PPP3CC: variants seen among roughly 807,000 people sequenced by gnomAD.
The protein encoded by PPP3CC is serine/threonine-protein phosphatase 2B catalytic subunit gamma isoform.
In PPP3CC, 35 loss-of-function variants were observed where a neutral mutation model predicts 60.3. That is an observed-to-expected ratio of 0.58 (90% CI 0.44 to 0.77). The LOEUF is 0.77. Among genes scored for constraint, PPP3CC ranks in the 30% least tolerant of loss-of-function variants. The pLI is 0.00. For missense variants in PPP3CC, 570 were observed against 628.9 expected, an observed-to-expected ratio of 0.91 and a Z score of 1.00; for synonymous variants, 206 against 224.3, an observed-to-expected ratio of 0.92 and a Z score of 0.73.
At chr8:22,539,836 A>T (rs1226455743) in intron 13 of PPP3CC, among the ~76,000 whole-genome samples, 1 of 152,220 alleles carries the variant, frequency 6.6e-6, no homozygotes, top group Non-Finnish European at 1.5e-5. Context: ...TTCTCAAGAG[A>T]GCCAAATAGG....
At chr8:22,448,380 TG>T (rs1160074478) in intron 1 of PPP3CC, among the ~76,000 whole-genome samples, 4 of 142,182 alleles carry the variant, frequency 2.8e-5, no homozygotes, top group African/African-American at 5.9e-5. Context: ...ACCTTTTTTT[TG>T]TTTTTTTTTT....
intron 1 of PPP3CC, among the ~76,000 whole-genome samples, chr8:22,474,537 C>T (rs1323987151): frequency 6.6e-6 from 1 of 151,930 alleles, no homozygotes; most frequent in Non-Finnish European, 1.5e-5. Flanking sequence ...AACCCTGTGT[C>T]TACTAAAAAT....
At chr8:22,492,880 A>T in intron 3 of PPP3CC, 2 of 1,104,256 alleles carry the variant, frequency 1.8e-6, no homozygotes, top group Non-Finnish European at 1.4e-6. Flanking sequence ...ATTACAGGCC[A>T]TGCTGAGACA....
intron 1 of PPP3CC, 138 bp downstream of exon 1, chr8:22,441,596 G>A (rs757414175): frequency 1.0e-6 from 1 of 967,182 alleles, no homozygotes; most frequent in Non-Finnish European, 1.4e-6. Flanking sequence ...AGAGCCGGGC[G>A]GCAGCCTCCG....
chr8:22,512,005 TC>T lies in PPP3CC; in HGVS notation c.630+776del, dbSNP rs1839102231. Among the ~76,000 whole-genome samples the T allele has an allele frequency of 1.3e-5, 2 of 152,214 alleles. 1 individual carries two copies. Among genetic ancestry groups the T allele is most frequent in the South Asian group, 4.1e-4 (2 of 4,828 alleles). On this transcript the variant is annotated intron_variant, in intron 5 of 13. Coordinates refer to ENST00000240139, the MANE Select transcript of PPP3CC (RefSeq NM_005605.5). ...AACGGTTTCATTGTTTTACTTGCCT[TC>T]CTTGGTGATTATTATTTCCAAGATT...
chr8:22,445,004 G>T (rs1467352374), intron 1 of PPP3CC, among the ~76,000 whole-genome samples: 1 of 152,170 alleles, frequency 6.6e-6, no homozygotes, highest in Non-Finnish European at 1.5e-5. Flanking sequence ...CAAATATAGA[G>T]AATCCATTGT....
At chr8:22,466,345 T>C (rs1586801556) in intron 1 of PPP3CC, among the ~76,000 whole-genome samples, 1 of 152,366 alleles carries the variant, frequency 6.6e-6, no homozygotes, top group Non-Finnish European at 1.5e-5. Flanking sequence ...CCTTTGAGTA[T>C]ATGCCTAGTA....
At chr8:22,452,399 A>T (rs900307162) in intron 1 of PPP3CC, among the ~76,000 whole-genome samples, 1 of 151,990 alleles carries the variant, frequency 6.6e-6, no homozygotes, top group Non-Finnish European at 1.5e-5. Flanking sequence ...AGCCAAGGGG[A>T]CTTCTGAGAA....
chr8:22,455,357 G>A (rs1195923930), intron 1 of PPP3CC, among the ~76,000 whole-genome samples: 1 of 152,290 alleles, frequency 6.6e-6, no homozygotes, highest in East Asian at 1.9e-4. Context: ...CTAAATTGTA[G>A]ACAATACCTG....
rs185183697 is a variant in PPP3CC at position 22,446,611 on chromosome 8, G to C, written c.49+5153G>C. On this transcript the variant is annotated intron_variant, in intron 1 of 13. Coordinates refer to ENST00000240139, the MANE Select transcript of PPP3CC (RefSeq NM_005605.5). The stretch of plus-strand genomic sequence containing the variant: ...AGCCGAGGTGGGTGGATCACCTGAG[G>C]TCCGGCCAACGTGGCGAAACCCAGT... 7.5e-3 allele frequency among the ~76,000 whole-genome samples: 1,135 copies of C among 152,012 alleles called. 7 individuals carry two copies. The highest frequency in any genetic ancestry group is 0.013 in the Non-Finnish European group (892 of 67,966).
At chr8:22,505,024 A>ATTTT (rs34116717) in intron 4 of PPP3CC, among the ~76,000 whole-genome samples, 5 of 115,960 alleles carry the variant, frequency 4.3e-5, no homozygotes, top group East Asian at 4.9e-4. Flanking sequence ...CCACGAACCT[A>ATTTT]TTTTTTTTTT....
At chr8:22,495,881 A>G (rs1337583585) in intron 3 of PPP3CC, among the ~76,000 whole-genome samples, 2 of 152,050 alleles carry the variant, frequency 1.3e-5, no homozygotes, top group Non-Finnish European at 2.9e-5. Context: ...TGTGTGGTCA[A>G]ATTTACCCAT....
rs1324497961 is a variant in PPP3CC at position 22,511,017 on chromosome 8, TG to T, written c.485-67del. The T allele has an allele frequency of 2.7e-6, 4 of 1,494,770 alleles. No individual in the cohort carries two copies. In the African/African-American group the frequency reaches 5.6e-5, roughly 21 times the overall value. The allele number at this position is 1,494,770 out of a possible 1,614,324, so 92.6% of individuals were successfully genotyped here. On this transcript the variant is annotated intron_variant, in intron 4 of 13. Coordinates refer to ENST00000240139, the MANE Select transcript of PPP3CC (RefSeq NM_005605.5). Reference sequence around the variant, plus strand: ...GCTCTAAAGTAGCTTCATATTCTCCTGGCCTATATCCTTTTTCAAATGTGAT... The same window carrying T: ...GCTCTAAAGTAGCTTCATATTCTCCTGCCTATATCCTTTTTCAAATGTGAT...
intron 4 of PPP3CC, among the ~76,000 whole-genome samples, chr8:22,508,397 T>G (rs1838988318): frequency 6.6e-6 from 1 of 152,208 alleles, no homozygotes; most frequent in South Asian, 2.1e-4. Flanking sequence ...TAAATACTGG[T>G]AATTATATAT....
At chr8:22,492,862 C>A in intron 3 of PPP3CC, 1 of 1,057,942 alleles carries the variant, frequency 9.5e-7, no homozygotes, top group Non-Finnish European at 1.5e-6. Flanking sequence ...CCAGCAAACT[C>A]TTTCACCATT....
chr8:22,459,235 G>C (rs1365256073), intron 1 of PPP3CC, among the ~76,000 whole-genome samples: 1 of 152,088 alleles, frequency 6.6e-6, no homozygotes, highest in African/African-American at 2.4e-5. Context: ...ACTGTGCCCA[G>C]ACCATTTTAG....
intron 12 of PPP3CC, among the ~76,000 whole-genome samples, chr8:22,535,978 C>T (rs757365490): frequency 1.3e-5 from 2 of 152,130 alleles, no homozygotes; most frequent in Non-Finnish European, 2.9e-5. Flanking sequence ...GCAATATGCC[C>T]GCCTCAGCCT....
At chr8:22,489,836 A>G (rs1838346482) in intron 3 of PPP3CC, among the ~76,000 whole-genome samples, 3 of 147,870 alleles carry the variant, frequency 2.0e-5, no homozygotes, top group African/African-American at 7.5e-5. Flanking sequence ...ATATTCACTA[A>G]TTTGAGATGG....
At chr8:22,478,714 G>A (rs1837973271) in intron 3 of PPP3CC, among the ~76,000 whole-genome samples, 1 of 152,164 alleles carries the variant, frequency 6.6e-6, no homozygotes, top group Non-Finnish European at 1.5e-5. Flanking sequence ...TTTATGCTCT[G>A]TAGGAGCTTC....
Sources: gnomAD v4.1 joint callset for allele counts (sites outside exome capture counted in the v4.1 genomes callset) on GRCh38, gnomAD v4.1.1 for gene constraint, MANE v1.5 for transcripts, NCBI Gene and HGNC (gene_info 2026-07-23, HGNC 2026-07-21) for gene names.